The following CSTPP1 variants were observed in gnomAD, a reference collection of about 807,000 sequenced individuals.
The protein encoded by CSTPP1 is UPF0705 protein C11orf49.
At chr11:47,013,088 T>C in the CSTPP1 span, among the ~76,000 whole-genome samples, 1 of 146,482 alleles carries the variant, frequency 6.8e-6, no homozygotes, top group African/African-American at 2.5e-5. Flanking sequence ...ATAAATAACA[T>C]ATAATCATAT....
At chr11:47,039,368 C>T in the CSTPP1 span, among the ~76,000 whole-genome samples, 1 of 127,582 alleles carries the variant, frequency 7.8e-6, no homozygotes, top group East Asian at 2.1e-4. Flanking sequence ...TCAGGCGTGG[C>T]GGCGCGCGCC....
the CSTPP1 span, among the ~76,000 whole-genome samples, chr11:47,060,422 G>A: frequency 6.6e-6 from 1 of 151,572 alleles, no homozygotes; most frequent in African/African-American, 2.4e-5. Context: ...ATTTTTTGTA[G>A]AGATGGGGTT....
At chr11:46,956,067 C>G in the CSTPP1 span, among the ~76,000 whole-genome samples, 2 of 149,698 alleles carry the variant, frequency 1.3e-5, no homozygotes, top group South Asian at 4.4e-4. Context: ...GGAGGGTTTT[C>G]CTAGCTTCAG....
the CSTPP1 span, among the ~76,000 whole-genome samples, chr11:46,952,599 T>C: frequency 6.6e-6 from 1 of 152,182 alleles, no homozygotes; most frequent in Non-Finnish European, 1.5e-5. Context: ...CAGTATTTGG[T>C]TTTTGTCCTC....
chr11:47,046,728 G>A, the CSTPP1 span, among the ~76,000 whole-genome samples: 4 of 125,070 alleles, frequency 3.2e-5, no homozygotes, highest in Admixed American at 9.0e-5. Flanking sequence ...GTGCAGTGGC[G>A]TGATCTCGGC....
At chr11:46,988,662 AG>A in the CSTPP1 span, among the ~76,000 whole-genome samples, 1 of 152,180 alleles carries the variant, frequency 6.6e-6, no homozygotes, top group Non-Finnish European at 1.5e-5. Context: ...ATAGCACAAC[AG>A]GGTGACTCTA....
At chr11:47,135,918 G>A in the CSTPP1 span, among the ~76,000 whole-genome samples, 1 of 152,122 alleles carries the variant, frequency 6.6e-6, no homozygotes, top group Non-Finnish European at 1.5e-5. Flanking sequence ...AGAGGGCCTA[G>A]GGTCTAGAAA....
the CSTPP1 span, among the ~76,000 whole-genome samples, chr11:46,993,573 G>C: frequency 6.6e-6 from 1 of 152,040 alleles, no homozygotes; most frequent in Non-Finnish European, 1.5e-5. Context: ...GTTTGTCAAA[G>C]ATCAGATGGT....
the CSTPP1 span, among the ~76,000 whole-genome samples, chr11:47,102,007 C>T: frequency 3.3e-5 from 5 of 152,206 alleles, no homozygotes; most frequent in African/African-American, 4.8e-5. Flanking sequence ...CAATCACTAC[C>T]GTCCTCTGGA....
chr11:47,027,187 G>C, the CSTPP1 span, among the ~76,000 whole-genome samples: 1 of 152,154 alleles, frequency 6.6e-6, no homozygotes, highest in African/African-American at 2.4e-5. Context: ...GCTGCAAGGG[G>C]TAAGCAGATG....
chr11:46,987,112 T>C, the CSTPP1 span: 1 of 1,165,806 alleles, frequency 8.6e-7, no homozygotes, highest in Admixed American at 1.8e-5. Flanking sequence ...AGCCAACACC[T>C]GGATTGCCTT....
chr11:47,162,747 G>C, the CSTPP1 span, among the ~76,000 whole-genome samples: 11 of 152,266 alleles, frequency 7.2e-5, no homozygotes, highest in African/African-American at 2.6e-4. Context: ...AAGCAGAACA[G>C]GACTGCCTCC....
chr11:47,122,543 A>C, the CSTPP1 span, among the ~76,000 whole-genome samples: 1 of 152,048 alleles, frequency 6.6e-6, no homozygotes, highest in Admixed American at 6.5e-5. Context: ...ATAAATCAAA[A>C]TGGCTTTTTA....
chr11:47,158,278 A>G, the CSTPP1 span, among the ~76,000 whole-genome samples: 98,654 of 151,992 alleles, frequency 0.65, 32,458 homozygotes, highest in Middle Eastern at 0.71. Context: ...TTATATATCA[A>G]AGAGACCTGA....
chr11:46,994,024 A>C, the CSTPP1 span, among the ~76,000 whole-genome samples: 1 of 151,988 alleles, frequency 6.6e-6, no homozygotes, highest in East Asian at 1.9e-4. Context: ...TGGGTATTTT[A>C]TTCTCTTTGA....
chr11:47,036,054 TA>T, the CSTPP1 span, among the ~76,000 whole-genome samples: 4 of 12,088 alleles, frequency 3.3e-4, 2 homozygotes, highest in African/African-American at 2.5e-3. Flanking sequence ...TATATATATA[TA>T]TTATATATAT....
chr11:46,978,358 T>C, the CSTPP1 span, among the ~76,000 whole-genome samples: 1 of 152,182 alleles, frequency 6.6e-6, no homozygotes, highest in African/African-American at 2.4e-5. Flanking sequence ...AAGGTGGCAT[T>C]TGAGTTGGGC....
the CSTPP1 span, among the ~76,000 whole-genome samples, chr11:47,148,197 ATCGCTGCTTCTCTCATGGCCCTGACAT>A: frequency 6.6e-6 from 1 of 152,192 alleles, no homozygotes; most frequent in African/African-American, 2.4e-5. Context: ...ACATCGTGTC[ATCGCTGCTTCTCTCATGGCCCTGACAT>A]TCAAACAAAA....
At chr11:47,159,372 T>C in the CSTPP1 span, among the ~76,000 whole-genome samples, 3 of 152,078 alleles carry the variant, frequency 2.0e-5, no homozygotes, top group South Asian at 6.2e-4. Flanking sequence ...TAGCTGGGTA[T>C]AGTGGCCCGC....
Sources: gnomAD v4.1 joint callset for allele counts (sites outside exome capture counted in the v4.1 genomes callset) on GRCh38, gnomAD v4.1.1 for gene constraint, MANE v1.5 for transcripts, NCBI Gene and HGNC (gene_info 2026-07-23, HGNC 2026-07-21) for gene names.